The following STPG2 variants were observed in gnomAD, a reference collection of about 807,000 sequenced individuals.
STPG2 encodes sperm-tail PG-rich repeat-containing protein 2.
Under a neutral mutation model 54.2 loss-of-function variants are expected in STPG2, and 56 were observed. The observed-to-expected ratio is 1.03, with a 90% confidence interval of 0.83 to 1.29. STPG2 has a LOEUF of 1.29. Among genes scored for constraint, STPG2 ranks in the 50% most tolerant of loss-of-function variants. The probability of loss-of-function intolerance (pLI) is 0.00; values close to 1 mark genes in which losing one functional copy is unlikely to be tolerated. For synonymous variants in STPG2, 200 were observed against 181.8 expected (o/e 1.10, Z -0.81); for missense variants, 596 against 544.9 (o/e 1.09, Z -0.93).
At chr4:98,108,082 G>A (rs1739237874) in intron 4 of STPG2, among the ~76,000 whole-genome samples, 2 of 151,930 alleles carry the variant, frequency 1.3e-5, no homozygotes, top group African/African-American at 2.4e-5. Context: ...AAAAACAAAC[G>A]CCATGTTTTA....
chr4:98,141,257 G>A (rs1348635067), intron 1 of STPG2, among the ~76,000 whole-genome samples: 1 of 152,146 alleles, frequency 6.6e-6, no homozygotes, highest in East Asian at 1.9e-4. Context: ...GCCATACCTT[G>A]AAATTGCCCT....
chr4:98,143,159 G>T lies in STPG2; in HGVS notation c.-9C>A, dbSNP rs142782230. On this transcript the variant is annotated 5_prime_UTR_variant, in exon 1 of 11. Transcript: ENST00000295268. The stretch of plus-strand genomic sequence containing the variant: ...GGAGCCCGATCATACATAGTGCTCG[G>T]GGTGGTGGGGGCGCTGGGGAAGGGC... 6.2e-7 allele frequency: 1 copy of T among 1,608,262 alleles called. No homozygotes were observed. Among genetic ancestry groups the T allele is most frequent in the African/African-American group, 1.3e-5 (1 of 74,930 alleles).
chr4:97,826,999 A>G (rs1211491364), intron 9 of STPG2, among the ~76,000 whole-genome samples: 1 of 152,212 alleles, frequency 6.6e-6, no homozygotes, highest in Non-Finnish European at 1.5e-5. Context: ...GGAATTTGAC[A>G]GGTGATCCTG....
At chr4:97,502,819 T>C (rs1349384295) in intron 4 of STPG2, among the ~76,000 whole-genome samples, 1 of 151,978 alleles carries the variant, frequency 6.6e-6, no homozygotes, top group Non-Finnish European at 1.5e-5. Flanking sequence ...TGCATGCAGA[T>C]TAAATTGAAA....
chr4:97,923,626 A>G (rs1183111675), intron 8 of STPG2, among the ~76,000 whole-genome samples: 1 of 152,190 alleles, frequency 6.6e-6, no homozygotes, highest in Non-Finnish European at 1.5e-5. Flanking sequence ...AAATGCACCA[A>G]TCAGTGCTCT....
chr4:97,634,638 T>G (rs1193230845), intron 10 of STPG2, among the ~76,000 whole-genome samples: 1 of 151,388 alleles, frequency 6.6e-6, no homozygotes, highest in Non-Finnish European at 1.5e-5. Context: ...TACAGAGAAG[T>G]GCTTAAAGGA....
At chr4:97,499,545 G>T (rs1283667959) in intron 4 of STPG2, among the ~76,000 whole-genome samples, 1 of 151,852 alleles carries the variant, frequency 6.6e-6, no homozygotes, top group Non-Finnish European at 1.5e-5. Flanking sequence ...CATTGATCAT[G>T]TTCTAATATA....
At chr4:97,942,670 G>T (rs1733034738) in intron 8 of STPG2, among the ~76,000 whole-genome samples, 1 of 151,966 alleles carries the variant, frequency 6.6e-6, no homozygotes, top group African/African-American at 2.4e-5. Flanking sequence ...ATATTAACTA[G>T]CATTGCATTT....
chr4:98,034,116 A>AG (rs1210719074), intron 5 of STPG2, among the ~76,000 whole-genome samples: 1 of 152,192 alleles, frequency 6.6e-6, no homozygotes, highest in Non-Finnish European at 1.5e-5. Context: ...ATTTGGCAAG[A>AG]GAAAAAAATA....
chr4:97,866,069 G>A (rs1729765613), intron 8 of STPG2, among the ~76,000 whole-genome samples: 1 of 151,818 alleles, frequency 6.6e-6, no homozygotes, highest in South Asian at 2.1e-4. Flanking sequence ...GAGATTTCAA[G>A]TAAAACAATG....
At chr4:97,560,787 T>C (rs1732209522) in intron 10 of STPG2, among the ~76,000 whole-genome samples, 1 of 152,108 alleles carries the variant, frequency 6.6e-6, no homozygotes, top group African/African-American at 2.4e-5. Context: ...AGATGTATTC[T>C]CAGAAGGTGA....
At chr4:97,559,688 A>G (rs1732174040) in intron 10 of STPG2, among the ~76,000 whole-genome samples, 1 of 152,140 alleles carries the variant, frequency 6.6e-6, no homozygotes, top group Non-Finnish European at 1.5e-5. Context: ...ACTGATTACT[A>G]CAGTATATTT....
At chr4:97,739,633 C>G (rs141090799) in intron 9 of STPG2, among the ~76,000 whole-genome samples, 4 of 151,406 alleles carry the variant, frequency 2.6e-5, no homozygotes, top group Non-Finnish European at 3.0e-5. Flanking sequence ...ATAAATTCCT[C>G]GACACATACA....
intron 9 of STPG2, among the ~76,000 whole-genome samples, chr4:97,723,382 T>C (rs760861389): frequency 2.6e-5 from 4 of 152,124 alleles, no homozygotes; most frequent in Non-Finnish European, 5.9e-5. Flanking sequence ...CTGTGTTCAC[T>C]ATTGGGATGA....
intron 7 of STPG2, among the ~76,000 whole-genome samples, chr4:97,945,072 C>T (rs56168927): frequency 0.013 from 2,004 of 152,114 alleles, 55 homozygotes; most frequent in African/African-American, 0.046. Flanking sequence ...ATTTTTATTT[C>T]GATAGCTTTT....
intron 1 of STPG2, among the ~76,000 whole-genome samples, chr4:98,139,252 G>C (rs530919103): frequency 3.0e-4 from 46 of 152,234 alleles, no homozygotes; most frequent in African/African-American, 7.9e-4. Context: ...AAGGTAAAAA[G>C]AATTTCCTGG....
chr4:97,747,234 T>C (rs1296247985), intron 9 of STPG2, among the ~76,000 whole-genome samples: 1 of 151,294 alleles, frequency 6.6e-6, no homozygotes, highest in Non-Finnish European at 1.5e-5. Flanking sequence ...TGCAATCTAT[T>C]ATTTCAGCTA....
intron 10 of STPG2, among the ~76,000 whole-genome samples, chr4:97,655,521 T>A (rs939487875): frequency 8.5e-5 from 13 of 152,054 alleles, no homozygotes; most frequent in African/African-American, 2.9e-4. Context: ...TAATGTCAAT[T>A]TTTTTCATTA....
At chr4:97,961,577 T>C (rs887332675) in intron 7 of STPG2, among the ~76,000 whole-genome samples, 2 of 152,098 alleles carry the variant, frequency 1.3e-5, no homozygotes, top group Non-Finnish European at 2.9e-5. Context: ...AATGAAGATA[T>C]ACAAATAGCC....
Sources: gnomAD v4.1 joint callset for allele counts (sites outside exome capture counted in the v4.1 genomes callset) on GRCh38, gnomAD v4.1.1 for gene constraint, MANE v1.5 for transcripts, NCBI Gene and HGNC (gene_info 2026-07-23, HGNC 2026-07-21) for gene names.